The following PDK1 variants were observed in gnomAD, a reference collection of about 807,000 sequenced individuals.
The protein encoded by PDK1 is pyruvate dehydrogenase kinase 1.
Under a neutral mutation model 54.2 loss-of-function variants are expected in PDK1, and 39 were observed. The observed-to-expected ratio is 0.72, with a 90% CI of 0.56 to 0.94. The LOEUF (loss-of-function observed/expected upper bound fraction) is 0.94. Ranked by LOEUF, PDK1 falls within the 40% of genes least tolerant of loss-of-function variation. PDK1 has a pLI of 0.00. For missense variants in PDK1, 552 were observed against 566.0 expected (o/e 0.98, Z 0.25); for synonymous variants, 221 against 207.1 (o/e 1.07, Z -0.58).
the PDK1 span, among the ~76,000 whole-genome samples, chr2:172,621,825 ATGTT>A: frequency 8.1e-6 from 1 of 123,418 alleles, no homozygotes; most frequent in African/African-American, 2.8e-5. Flanking sequence ...TGTATGATAT[ATGTT>A]TATATCTCAT....
chr2:172,687,967 G>T, the PDK1 span, among the ~76,000 whole-genome samples: 1 of 152,164 alleles, frequency 6.6e-6, no homozygotes, highest in Admixed American at 6.5e-5. Context: ...ATCCCCTTTT[G>T]GGAGCAAGGA....
intron 8 of PDK1, among the ~76,000 whole-genome samples, chr2:172,575,196 G>A (rs1180099280): frequency 6.6e-6 from 1 of 152,066 alleles, no homozygotes; most frequent in South Asian, 2.1e-4. Context: ...TTGCATTCTT[G>A]GGATAAGTCT....
In PDK1 at chr2:172,561,346, A is replaced by C. The variant is rs1417173734; in HGVS notation, c.339-874A>C. 2.0e-5 allele frequency among the ~76,000 whole-genome samples: 3 copies of C among 152,194 alleles called. No homozygotes were observed. The East Asian group carries it at 5.8e-4, about 29-fold the overall frequency. On this transcript the variant is annotated intron_variant, in intron 2 of 10. Transcript: ENST00000282077. ...CAGCAGCTGCTATCAGAATCCCTTA[A>C]CTTTGGAATGCAGTAAGACATATTG...
the PDK1 span, among the ~76,000 whole-genome samples, chr2:172,657,066 T>C: frequency 6.6e-6 from 1 of 152,212 alleles, no homozygotes; most frequent in East Asian, 1.9e-4. Flanking sequence ...TGGGCTTCTG[T>C]TCTTGGTAAG....
At chr2:172,579,154 A>G (rs892797454) in intron 8 of PDK1, among the ~76,000 whole-genome samples, 7 of 152,060 alleles carry the variant, frequency 4.6e-5, no homozygotes, top group Non-Finnish European at 8.8e-5. Context: ...GGTTAGCCTT[A>G]TTGTTTGCCC....
At chr2:172,670,177 C>T in the PDK1 span, among the ~76,000 whole-genome samples, 2 of 152,152 alleles carry the variant, frequency 1.3e-5, no homozygotes, top group Non-Finnish European at 2.9e-5. Context: ...GTTAGCCTTC[C>T]GGGCAGCTGG....
At chr2:172,651,838 C>T in the PDK1 span, among the ~76,000 whole-genome samples, 1 of 152,074 alleles carries the variant, frequency 6.6e-6, no homozygotes, top group Non-Finnish European at 1.5e-5. Context: ...AGCCTACCAA[C>T]CAAAAAAAGT....
chr2:172,569,518 G>A (rs777716815), intron 7 of PDK1, among the ~76,000 whole-genome samples: 1 of 152,104 alleles, frequency 6.6e-6, no homozygotes, highest in Non-Finnish European at 1.5e-5. Flanking sequence ...GAAGCTTGTA[G>A]TCTCTCTTCA....
chr2:172,590,098 G>A lies in PDK1; in HGVS notation c.1057-2837G>A, dbSNP rs578088543. On this transcript the variant is annotated intron_variant, in intron 9 of 10. Transcript: ENST00000282077. ...AGATTTTTAAGTGGAAAAGTGACCC[G>A]TCAGTGAGAATTAAGAAAGTAGATC... Among the ~76,000 whole-genome samples, 34 of 152,258 alleles carry A rather than the reference G, an allele frequency of 2.2e-4. No individual in the cohort carries two copies. In the South Asian group the frequency reaches 6.0e-3, roughly 27 times the overall value.
At chr2:172,669,135 C>T in the PDK1 span, among the ~76,000 whole-genome samples, 5 of 141,340 alleles carry the variant, frequency 3.5e-5, no homozygotes, top group African/African-American at 1.1e-4. Context: ...TCTCGGCTCA[C>T]TGCAAGCTCC....
chr2:172,707,133 GC>G, the PDK1 span, among the ~76,000 whole-genome samples: 38 of 152,286 alleles, frequency 2.5e-4, 1 homozygote, highest in African/African-American at 8.9e-4. Context: ...GGGTAGGGAG[GC>G]TTTGTTTTTC....
intron 8 of PDK1, among the ~76,000 whole-genome samples, chr2:172,581,695 C>T (rs1217885686): frequency 6.6e-6 from 1 of 152,176 alleles, no homozygotes; most frequent in Non-Finnish European, 1.5e-5. Context: ...ATCCCCATTA[C>T]TTACCCTAGA....
intron 6 of PDK1, among the ~76,000 whole-genome samples, chr2:172,568,129 C>T (rs1209466340): frequency 2.0e-5 from 3 of 151,766 alleles, no homozygotes; most frequent in Non-Finnish European, 2.9e-5. Context: ...GTCAGGAGTT[C>T]GAGACAAGCC....
chr2:172,712,077 T>C, the PDK1 span, among the ~76,000 whole-genome samples: 9 of 152,032 alleles, frequency 5.9e-5, no homozygotes, highest in African/African-American at 2.2e-4. Flanking sequence ...ACTGTTAAGG[T>C]TATAGGTTTA....
Position 172,607,561 on chromosome 2 carries a change from G to GT in PDK1, c.*11594dup, listed in dbSNP as rs1328022821. On this transcript the variant is annotated 3_prime_UTR_variant, in exon 11 of 11. Coordinates refer to ENST00000282077, the MANE Select transcript of PDK1 (RefSeq NM_002610.5). ...TTAGCAACCACTACGGCTACAGGTT[G>GT]TTGCATCATGCCAAGCTCTGTGTTC... 1.3e-5 allele frequency: 2 copies of GT among 152,244 alleles called. No individual in the cohort carries two copies. The highest frequency in any genetic ancestry group is 2.9e-5 in the Non-Finnish European group (2 of 68,064). The allele number at this position is 152,244 out of a possible 1,614,324, so 9.4% of individuals were successfully genotyped here. A position where few individuals can be genotyped will look rare whatever the true frequency, so the allele number is the denominator to read the frequency against.
chr2:172,713,583 C>G, the PDK1 span, among the ~76,000 whole-genome samples: 1 of 152,238 alleles, frequency 6.6e-6, no homozygotes. Flanking sequence ...GCACACCCAG[C>G]CCGGTTGTGA....
intron 8 of PDK1, among the ~76,000 whole-genome samples, chr2:172,579,631 G>A (rs762377503): frequency 1.3e-5 from 2 of 148,498 alleles, no homozygotes; most frequent in African/African-American, 2.5e-5. Flanking sequence ...AGAAGACAAC[G>A]TTTATTACAA....
At chr2:172,593,871 T>C (rs1690741630) in intron 10 of PDK1, among the ~76,000 whole-genome samples, 1 of 152,114 alleles carries the variant, frequency 6.6e-6, no homozygotes, top group African/African-American at 2.4e-5. Flanking sequence ...TTAGTGACTC[T>C]AGTTTCTTGT....
the PDK1 span, among the ~76,000 whole-genome samples, chr2:172,632,928 C>T: frequency 7.2e-5 from 10 of 139,244 alleles, no homozygotes; most frequent in African/African-American, 2.6e-4. Context: ...TTGCAGTGAG[C>T]TGAGATTGCA....
Sources: gnomAD v4.1 joint callset for allele counts (sites outside exome capture counted in the v4.1 genomes callset) on GRCh38, gnomAD v4.1.1 for gene constraint, MANE v1.5 for transcripts, NCBI Gene and HGNC (gene_info 2026-07-23, HGNC 2026-07-21) for gene names.